CDIP1: variants seen among roughly 807,000 people sequenced by gnomAD.
The protein encoded by CDIP1 is cell death inducing p53 target 1, also known as cell death-inducing p53-target protein 1.
Under a neutral mutation model 17.7 loss-of-function variants are expected in CDIP1, and 9 were observed. That is an observed-to-expected ratio of 0.51 (90% CI 0.31 to 0.89). The LOEUF is 0.89. CDIP1 is among the 40% of genes least tolerant of loss of function. The pLI is 0.05. For synonymous variants in CDIP1, 117 were observed against 109.5 expected, an observed-to-expected ratio of 1.07 and a Z score of -0.43; for missense variants, 263 against 277.9, an observed-to-expected ratio of 0.95 and a Z score of 0.38.
chr16:4,530,867 G>C (rs2059049398), intron 1 of CDIP1, among the ~76,000 whole-genome samples: 1 of 151,936 alleles, frequency 6.6e-6, no homozygotes, highest in African/African-American at 2.4e-5. Flanking sequence ...GTATATAGAA[G>C]TTTATTAGGT....
At chr16:4,530,891 A>T (rs994500016) in intron 1 of CDIP1, among the ~76,000 whole-genome samples, 1 of 152,092 alleles carries the variant, frequency 6.6e-6, no homozygotes, top group Non-Finnish European at 1.5e-5. Flanking sequence ...TACAAAAGTA[A>T]TTGCAGTTTT....
At chr16:4,531,229 C>T (rs977172803) in intron 1 of CDIP1, among the ~76,000 whole-genome samples, 36 of 151,946 alleles carry the variant, frequency 2.4e-4, no homozygotes, top group African/African-American at 8.2e-4. Context: ...GGGGTTTCAC[C>T]GTGTTAGCCA....
intron 1 of CDIP1, among the ~76,000 whole-genome samples, chr16:4,516,326 T>TGTA (rs2058887313): frequency 6.6e-6 from 1 of 152,176 alleles, no homozygotes; most frequent in Admixed American, 6.5e-5. Context: ...TGAAACCGAT[T>TGTA]GTAGCAACAG....
intron 1 of CDIP1, among the ~76,000 whole-genome samples, chr16:4,521,121 G>C (rs750550979): frequency 6.6e-6 from 1 of 151,922 alleles, no homozygotes; most frequent in Non-Finnish European, 1.5e-5. Context: ...CTGTGTGTGT[G>C]GTGGTGAAGA....
In CDIP1 at chr16:4,514,016, T is replaced by C. The variant is rs987075062; in HGVS notation, c.85+30A>G. 8 of 1,404,664 alleles carry C rather than the reference T, an allele frequency of 5.7e-6. No individual in the cohort carries two copies. In the African/African-American group the frequency reaches 1.0e-4, roughly 18 times the overall value. 87.0% of individuals were successfully genotyped at this position (1,404,664 alleles called of 1,614,324 possible). On this transcript the variant is annotated intron_variant, in intron 3 of 5. Coordinates refer to ENST00000567695, the MANE Select transcript of CDIP1 (RefSeq NM_013399.3). This position sits in a 1 kb window ranked among gnomAD's most constrained non-coding sequence, Gnocchi z 5.2. ...ATGCCATGGCGGCAGGGGGCTGCAA[T>C]ATGGAGCCTCAGGAACAGTGACCCC...
intron 1 of CDIP1, among the ~76,000 whole-genome samples, chr16:4,525,561 C>T (rs552842193): frequency 1.1e-4 from 17 of 152,208 alleles, no homozygotes; most frequent in Non-Finnish European, 2.4e-4. Context: ...CCCTCTCCAC[C>T]ATGCCCTATC....
At chr16:4,521,735 C>T (rs989542607) in intron 1 of CDIP1, among the ~76,000 whole-genome samples, 3 of 151,482 alleles carry the variant, frequency 2.0e-5, no homozygotes, top group Middle Eastern at 3.5e-3. Context: ...CGGGGGGGCC[C>T]GCTCTGCATC....
At position 4,513,087 on chromosome 16, in the gene CDIP1, G is replaced by A. The variant is rs1163656030; in HGVS notation, c.242-23C>T. 3 of 1,563,384 alleles carry A rather than the reference G, an allele frequency of 1.9e-6. No homozygotes were observed. Among genetic ancestry groups the A allele is most frequent in the South Asian group, 1.2e-5 (1 of 85,422 alleles). Reference sequence around the variant, plus strand: ...AACCTGGAATGGCACAGAAGATGGAGGCGAGAGGTCACTGGCCTGCCACCT... The same window carrying A: ...AACCTGGAATGGCACAGAAGATGGAAGCGAGAGGTCACTGGCCTGCCACCT... On this transcript the variant is annotated intron_variant, in intron 4 of 5. Transcript: ENST00000567695. The surrounding 1 kb of genome is among the most constrained non-coding windows in gnomAD (Gnocchi z 4.1).
At chr16:4,523,909 CCAGGACAAG>C (rs1197068538) in intron 1 of CDIP1, 2 of 152,296 alleles carry the variant, frequency 1.3e-5, no homozygotes, top group Non-Finnish European at 2.9e-5. Flanking sequence ...CCTCAGATCT[CCAGGACAAG>C]GATGACAAGG....
At chr16:4,529,141 T>C (rs1044918163) in intron 1 of CDIP1, among the ~76,000 whole-genome samples, 8 of 152,320 alleles carry the variant, frequency 5.3e-5, no homozygotes, top group African/African-American at 1.4e-4. Flanking sequence ...CAGCCCCTTA[T>C]GGCCATAGGT....
At chr16:4,527,473 G>A (rs115732172) in intron 1 of CDIP1, among the ~76,000 whole-genome samples, 1,735 of 152,274 alleles carry the variant, frequency 0.011, 37 homozygotes, top group African/African-American at 0.04. Flanking sequence ...AAGGCCTCTA[G>A]GAACTATGAT....
Position 4,513,163 on chromosome 16 carries a change from G to T in CDIP1, c.242-99C>A, listed in dbSNP as rs980434471. 1.6e-6 allele frequency: 2 copies of T among 1,270,644 alleles called. No homozygotes were observed. The highest frequency in any genetic ancestry group is 2.1e-6 in the Non-Finnish European group (2 of 944,546). 78.7% of individuals were successfully genotyped at this position (1,270,644 alleles called of 1,614,324 possible). ...AGCCCCACGGTCCACAGCGCCCAGCGTGCAAGGCTACGCCTCAGACCTCCT... is the reference window on the plus strand; with the variant it reads ...AGCCCCACGGTCCACAGCGCCCAGCTTGCAAGGCTACGCCTCAGACCTCCT... On this transcript the variant is annotated intron_variant, in intron 4 of 5. Transcript: ENST00000567695. The surrounding 1 kb of genome is among the most constrained non-coding windows in gnomAD (Gnocchi z 4.1).
chr16:4,512,239 A>C lies in CDIP1; in HGVS notation c.*333T>G. On this transcript the variant is annotated 3_prime_UTR_variant, in exon 6 of 6. Coordinates refer to ENST00000567695, the MANE Select transcript of CDIP1 (RefSeq NM_013399.3). The surrounding 1 kb of genome is among the most constrained non-coding windows in gnomAD (Gnocchi z 4.6). ...TCCCAGGGGGAAAGAGTCTGGACTG[A>C]ACCTGTACCTTGTTTGGAAACAGAG... The C allele has an allele frequency of 2.5e-6, 1 of 406,762 alleles. No homozygotes were observed. Among genetic ancestry groups the C allele is most frequent in the Non-Finnish European group, 4.6e-6 (1 of 215,230 alleles). The allele number at this position is 406,762 out of a possible 1,614,324, so 25.2% of individuals were successfully genotyped here.
Position 4,513,622 on chromosome 16 carries a change from C to A in CDIP1, c.241+74G>T. On this transcript the variant is annotated intron_variant, in intron 4 of 5. Transcript: ENST00000567695. The surrounding 1 kb of genome is among the most constrained non-coding windows in gnomAD (Gnocchi z 4.1). ...GCCCTACAGCAGATGCCCACCTGTACTGAGGACAGCCAGCGCAGGCCAGAC... is the reference window on the plus strand; with the variant it reads ...GCCCTACAGCAGATGCCCACCTGTAATGAGGACAGCCAGCGCAGGCCAGAC... 1 of 1,386,714 alleles carries A rather than the reference C, an allele frequency of 7.2e-7. No homozygotes were observed. Among genetic ancestry groups the A allele is most frequent in the Non-Finnish European group, 1.0e-6 (1 of 989,914 alleles). 85.9% of individuals were successfully genotyped at this position (1,386,714 alleles called of 1,614,324 possible). A position where few individuals can be genotyped will look rare whatever the true frequency, so the allele number is the denominator to read the frequency against.
chr16:4,515,824 T>C (rs1287830514), intron 1 of CDIP1, among the ~76,000 whole-genome samples: 4 of 152,150 alleles, frequency 2.6e-5, no homozygotes, highest in African/African-American at 7.2e-5. Context: ...TGCAAACCTT[T>C]TGAAGAACTG....
At position 4,514,068 on chromosome 16, in the gene CDIP1, T is replaced by A; in HGVS notation, c.63A>T (p.Lys21Asn). Reference protein sequence around the residue: ...GGPTAPLLEEKSGAPPTPGRS... With the variant: ...GGPTAPLLEENSGAPPTPGRS... ...TACCTGGGGTGGGCGGGGCTCCACT[T>A]TTCTCTTCCAGAAGTGGGGCTGTGG... Residue 21 changes from lysine to asparagine, a missense_variant, in exon 3 of 6, where the codon AAA becomes AAT. Lys to Asn is a moderately conservative substitution (Grantham distance 94, BLOSUM62 0). Coordinates refer to ENST00000567695, the MANE Select transcript of CDIP1 (RefSeq NM_013399.3). The surrounding 1 kb of genome is among the most constrained non-coding windows in gnomAD (Gnocchi z 5.2). 1 of 1,530,336 alleles carries A rather than the reference T, an allele frequency of 6.5e-7. No individual in the cohort carries two copies. Among genetic ancestry groups the A allele is most frequent in the Non-Finnish European group, 8.7e-7 (1 of 1,148,296 alleles). 94.8% of individuals were successfully genotyped at this position (1,530,336 alleles called of 1,614,324 possible).
chr16:4,513,040 T>C lies in CDIP1; in HGVS notation c.266A>G (p.His89Arg). 2 of 1,592,732 alleles carry C rather than the reference T, an allele frequency of 1.3e-6. No individual in the cohort carries two copies. Among genetic ancestry groups the C allele is most frequent in the Non-Finnish European group, 1.7e-6 (2 of 1,172,502 alleles). ...TGGGGGGTAGTAGCCCATGGGTGGG[T>C]GGGGGCCTGGAGGAGGGTAGAAACC... The part of the protein sequence containing the change: ...PPGFYPPPGP[H>R]PPMGYYPPGP... Residue 89 changes from histidine to arginine, a missense_variant, in exon 5 of 6, where the codon CAC becomes CGC. Physicochemically the swap from His to Arg is conservative, Grantham distance 29. Coordinates refer to ENST00000567695, the MANE Select transcript of CDIP1 (RefSeq NM_013399.3). The surrounding 1 kb of genome is among the most constrained non-coding windows in gnomAD (Gnocchi z 4.1).
At chr16:4,537,278 G>C (rs1032946480) in intron 1 of CDIP1, among the ~76,000 whole-genome samples, 5 of 152,204 alleles carry the variant, frequency 3.3e-5, no homozygotes, top group Admixed American at 2.0e-4. Context: ...TGGTCTGTGG[G>C]TGTTCACTGT....
Position 4,513,963 on chromosome 16 carries a change from G to A in CDIP1, c.85+83C>T, listed in dbSNP as rs2141628279. 1 of 1,337,452 alleles carries A rather than the reference G, an allele frequency of 7.5e-7. No individual in the cohort carries two copies. The highest frequency in any genetic ancestry group is 1.4e-5 in the South Asian group (1 of 69,778). 82.8% of individuals were successfully genotyped at this position (1,337,452 alleles called of 1,614,324 possible). On this transcript the variant is annotated intron_variant, in intron 3 of 5. Coordinates refer to ENST00000567695, the MANE Select transcript of CDIP1 (RefSeq NM_013399.3). This position sits in a 1 kb window ranked among gnomAD's most constrained non-coding sequence, Gnocchi z 4.1. The stretch of plus-strand genomic sequence containing the variant: ...TGGGGCCCAGGGGTAACCCTGGAGT[G>A]GGCATCACCACTTAGAGAGTCCCAA...
Sources: gnomAD v4.1 joint callset for allele counts (sites outside exome capture counted in the v4.1 genomes callset) on GRCh38, gnomAD v4.1.1 for gene constraint, Gnocchi (gnomAD v3.1) non-coding constraint, MANE v1.5 for transcripts, NCBI Gene and HGNC (gene_info 2026-07-23, HGNC 2026-07-21) for gene names.